PTPN2: variants seen among roughly 807,000 people sequenced by gnomAD.
The protein encoded by PTPN2 is tyrosine-protein phosphatase non-receptor type 2.
Under a neutral mutation model 57.3 loss-of-function variants are expected in PTPN2, and 19 were observed. The ratio of observed to expected loss-of-function variants is 0.33; its 90% CI spans 0.23 to 0.49. The LOEUF is 0.49. PTPN2 is among the 20% of genes least tolerant of loss of function. The pLI, the probability that PTPN2 is intolerant of heterozygous loss-of-function variation, is 0.99. For synonymous variants in PTPN2, 153 were observed against 164.9 expected (o/e 0.93, Z 0.55); for missense variants, 358 against 501.1 (o/e 0.71, Z 2.73).
downstream of PTPN2, chr18:12,792,118 G>T (rs2041000428): frequency 2.9e-6 from 2 of 691,562 alleles, no homozygotes; most frequent in Non-Finnish European, 3.6e-6. Context: ...CAAGGTTACA[G>T]GACACAGTAA....
At chr18:12,810,027 C>T (rs2041836101) in intron 7 of PTPN2, among the ~76,000 whole-genome samples, 2 of 151,896 alleles carry the variant, frequency 1.3e-5, no homozygotes, top group African/African-American at 4.8e-5. Flanking sequence ...ACCAAAAATA[C>T]AAAAATTAGC....
chr18:12,841,650 C>A (rs2043050150), intron 2 of PTPN2, among the ~76,000 whole-genome samples: 1 of 152,210 alleles, frequency 6.6e-6, no homozygotes, highest in Admixed American at 6.5e-5. Flanking sequence ...CAGCGTCTTT[C>A]AACCCATCAT....
At chr18:12,836,696 C>G in intron 3 of PTPN2, 95 bp downstream of exon 3, 3 of 737,762 alleles carry the variant, frequency 4.1e-6, no homozygotes. Flanking sequence ...ATTTCATTTC[C>G]AAAAGAAGTC....
In PTPN2 at chr18:12,874,879, G is replaced by C. The variant is rs190879360; in HGVS notation, c.69+9194C>G. ...TGGAATAGAAAGCAGGGAAAGGTGG[G>C]GAAAAGATTGAGAAATCGGATGGTT... On this transcript the variant is annotated intron_variant, in intron 1 of 8. Transcript: ENST00000309660. Among the ~76,000 whole-genome samples the C allele has an allele frequency of 5.2e-3, 796 of 152,338 alleles. 11 individuals carry two copies. Among genetic ancestry groups the C allele is most frequent in the African/African-American group, 0.018 (765 of 41,586 alleles).
intron 2 of PTPN2, among the ~76,000 whole-genome samples, chr18:12,855,203 G>A (rs1470020365): frequency 6.6e-6 from 1 of 152,124 alleles, no homozygotes; most frequent in African/African-American, 2.4e-5. Context: ...TGGTGGGGAG[G>A]GTGGAGAGAC....
chr18:12,873,853 G>A (rs1299027752), intron 1 of PTPN2, among the ~76,000 whole-genome samples: 2 of 151,962 alleles, frequency 1.3e-5, no homozygotes, highest in Non-Finnish European at 2.9e-5. Context: ...GAGCGTCTCT[G>A]CCCGGCTGCC....
intron 1 of PTPN2, among the ~76,000 whole-genome samples, chr18:12,861,516 T>G (rs1290086569): frequency 6.6e-6 from 1 of 152,228 alleles, no homozygotes; most frequent in Non-Finnish European, 1.5e-5. Context: ...CCCCTATTTA[T>G]TCTCCCCATT....
At chr18:12,874,451 T>A (rs367801245) in intron 1 of PTPN2, among the ~76,000 whole-genome samples, 8,335 of 99,686 alleles carry the variant, frequency 0.084, 398 homozygotes, top group East Asian at 0.15. Context: ...GTCCGGGAGG[T>A]GAGGGGCGCC....
intron 2 of PTPN2, among the ~76,000 whole-genome samples, chr18:12,845,212 T>C (rs1045056469): frequency 6.6e-6 from 1 of 152,228 alleles, no homozygotes; most frequent in Non-Finnish European, 1.5e-5. Flanking sequence ...CTGACAGAAA[T>C]TGTGTTAGAT....
intron 4 of PTPN2, among the ~76,000 whole-genome samples, chr18:12,829,731 T>A (rs1209345932): frequency 1.3e-5 from 2 of 152,144 alleles, no homozygotes; most frequent in East Asian, 3.9e-4. Flanking sequence ...AATCAACTTT[T>A]TTTTGGAAAA....
intron 2 of PTPN2, among the ~76,000 whole-genome samples, chr18:12,842,557 C>T (rs1048361490): frequency 1.3e-5 from 2 of 152,054 alleles, no homozygotes; most frequent in Non-Finnish European, 2.9e-5. Flanking sequence ...GTCAGTCTCA[C>T]GGATATTTTA....
At chr18:12,857,115 G>A (rs931811172) in intron 2 of PTPN2, among the ~76,000 whole-genome samples, 1 of 151,248 alleles carries the variant, frequency 6.6e-6, no homozygotes, top group East Asian at 1.9e-4. Flanking sequence ...CTAATTAGGG[G>A]ACTCAAATGT....
rs531772036 is a variant in PTPN2, at chr18:12,793,142, C to T, written c.*1136G>A. 7 of 985,028 alleles carry T rather than the reference C, an allele frequency of 7.1e-6. No homozygotes were observed. In the African/African-American group the frequency reaches 1.0e-4, roughly 15 times the overall value. The allele number at this position is 985,028 out of a possible 1,614,324, so 61.0% of individuals were successfully genotyped here. The stretch of plus-strand genomic sequence containing the variant: ...TCAAGTTTAAGTAAGACAAATTAAA[C>T]ACTGAATGGAATGTTGAAATCTGAG... On this transcript the variant is annotated 3_prime_UTR_variant, in exon 9 of 9. Coordinates refer to ENST00000309660, the MANE Select transcript of PTPN2 (RefSeq NM_002828.4).
chr18:12,795,246 C>A (rs186325399), intron 8 of PTPN2, among the ~76,000 whole-genome samples: 28 of 152,136 alleles, frequency 1.8e-4, no homozygotes, highest in Non-Finnish European at 3.2e-4. Flanking sequence ...TTTGACCATA[C>A]ACATTTCTAC....
intron 2 of PTPN2, among the ~76,000 whole-genome samples, chr18:12,857,060 C>CAAA (rs57221505): frequency 0.065 from 6,500 of 100,380 alleles, 445 homozygotes; most frequent in Middle Eastern, 0.17. Context: ...GACACCATCT[C>CAAA]AAAAAAAAAA....
chr18:12,807,250 T>C (rs2041688001), intron 7 of PTPN2, among the ~76,000 whole-genome samples: 1 of 151,826 alleles, frequency 6.6e-6, no homozygotes, highest in African/African-American at 2.4e-5. Flanking sequence ...CACACCCCAA[T>C]TAGAATGACT....
chr18:12,867,754 T>G (rs1262018025), intron 1 of PTPN2, among the ~76,000 whole-genome samples: 3 of 152,354 alleles, frequency 2.0e-5, no homozygotes, highest in Middle Eastern at 3.4e-3. Context: ...GCCACCTCAG[T>G]GTTCTGCATT....
Position 12,870,494 on chromosome 18 carries a change from GAGAGAA to G in PTPN2, c.70-11246_70-11241del, listed in dbSNP as rs1458719454. On this transcript the variant is annotated intron_variant, in intron 1 of 8. Coordinates refer to ENST00000309660, the MANE Select transcript of PTPN2 (RefSeq NM_002828.4). ...AGAGAGAGAGAGAGAGAGAGAGAGA[GAGAGAA>G]AAGCGTGTTGTTTTTTTTTTTTTTT... Among the ~76,000 whole-genome samples the G allele has an allele frequency of 8.3e-4, 80 of 96,908 alleles. 1 individual carries two copies. Among genetic ancestry groups the G allele is most frequent in the Non-Finnish European group, 1.3e-3 (71 of 54,230 alleles). 63.6% of individuals were successfully genotyped at this position (96,908 alleles called of 152,430 possible).
chr18:12,840,568 CCT>C, intron 2 of PTPN2: 2 of 913,812 alleles, frequency 2.2e-6, no homozygotes, highest in Non-Finnish European at 1.7e-6. Flanking sequence ...CACTGGGTCA[CCT>C]CTCTCAGTCC....
Sources: allele counts gnomAD v4.1 joint callset (sites outside exome capture counted in the v4.1 genomes callset), GRCh38; gene constraint gnomAD v4.1.1; transcripts MANE v1.5; gene names NCBI Gene and HGNC (gene_info 2026-07-23, HGNC 2026-07-21).